The following RYR2 variants were observed in gnomAD, a reference collection of about 807,000 sequenced individuals.
RYR2 encodes the protein cardiac muscle ryanodine receptor-calcium release channel.
Under a neutral mutation model 601.1 loss-of-function variants are expected in RYR2, and 227 were observed. The ratio of observed to expected loss-of-function variants is 0.38; its 90% CI spans 0.34 to 0.42. RYR2 has a LOEUF of 0.42. Among genes scored for constraint, RYR2 ranks in the 10% least tolerant of loss-of-function variants. The pLI, the probability that RYR2 is intolerant of heterozygous loss-of-function variation, is 1.00. For synonymous variants in RYR2, 2,223 were observed against 2,175.1 expected (o/e 1.02, Z -0.61); for missense variants, 4,646 against 6,156.5 (o/e 0.75, Z 8.21).
chr1:237,081,780 A>G (rs547209936), intron 1 of RYR2, among the ~76,000 whole-genome samples: 1 of 152,072 alleles, frequency 6.6e-6, no homozygotes, highest in Non-Finnish European at 1.5e-5. Context: ...TCCAGCCTAA[A>G]GAAACAAAAC....
intron 60 of RYR2, 134 bp from the exon 61 acceptor site, chr1:237,677,914 A>G: frequency 3.2e-6 from 2 of 618,552 alleles, no homozygotes; most frequent in African/African-American, 1.8e-5. Context: ...TTGCCTTTAT[A>G]TTTTTGGTTG....
chr1:237,614,382 G>A lies in RYR2; in HGVS notation c.5254G>A (p.Gly1752Ser), dbSNP rs771662129. ...ENKKHGLPGI[G>S]LSTSLRPRMQ... is the part of the protein sequence containing the mutation. The stretch of plus-strand genomic sequence containing the variant: ...CAAAAAACACGGCCTTCCAGGGATC[G>A]GCCTCAGCACCTCCCTCAGGCCACG... The change falls in exon 37 of 105, where the codon GGC becomes AGC. Residue 1752 changes from glycine (G) to serine (S), a missense_variant. Physicochemically the swap from Gly to Ser is moderately conservative, Grantham distance 56. Transcript: ENST00000366574. This position sits in a 1 kb window ranked among gnomAD's most constrained non-coding sequence, Gnocchi z 4.3. The A allele has an allele frequency of 1.2e-5, 20 of 1,613,820 alleles. No homozygotes were observed. Among genetic ancestry groups the A allele is most frequent in the African/African-American group, 4.0e-5 (3 of 74,890 alleles).
At chr1:237,516,118 T>C (rs565023160) in intron 24 of RYR2, among the ~76,000 whole-genome samples, 71 of 152,074 alleles carry the variant, frequency 4.7e-4, no homozygotes, top group African/African-American at 1.6e-3. Context: ...CTTACTTATT[T>C]ATTTGTTTGT....
chr1:237,602,796 C>A (rs1176630808), intron 35 of RYR2, among the ~76,000 whole-genome samples: 1 of 152,094 alleles, frequency 6.6e-6, no homozygotes, highest in African/African-American at 2.4e-5. Flanking sequence ...CAAGGGAAAT[C>A]CATTGGAAAT....
chr1:237,726,787 C>A (rs991549386), intron 75 of RYR2, among the ~76,000 whole-genome samples: 1 of 151,918 alleles, frequency 6.6e-6, no homozygotes, highest in Admixed American at 6.6e-5. Flanking sequence ...TTTTCTATTT[C>A]TTTGATTTTA....
chr1:237,742,560 C>A (rs2149212302), intron 80 of RYR2, among the ~76,000 whole-genome samples: 1 of 152,238 alleles, frequency 6.6e-6, no homozygotes, highest in South Asian at 2.1e-4. Context: ...TATAATGAAG[C>A]ACATATGTTC....
intron 80 of RYR2, among the ~76,000 whole-genome samples, chr1:237,746,390 C>A (rs1692078949): frequency 6.6e-6 from 1 of 151,806 alleles, no homozygotes; most frequent in Non-Finnish European, 1.5e-5. Flanking sequence ...TAAAATATTC[C>A]ATAAAGTCAT....
At chr1:237,750,724 A>G (rs1692473011) in intron 80 of RYR2, among the ~76,000 whole-genome samples, 1 of 152,156 alleles carries the variant, frequency 6.6e-6, no homozygotes, top group African/African-American at 2.4e-5. Context: ...AATTCAGTTA[A>G]CACCATTTTT....
intron 63 of RYR2, among the ~76,000 whole-genome samples, chr1:237,688,559 T>C (rs910209926): frequency 3.9e-5 from 6 of 152,184 alleles, no homozygotes; most frequent in Non-Finnish European, 8.8e-5. Flanking sequence ...TTAAATTTAG[T>C]AATGAAAATT....
chr1:237,412,292 A>G (rs1206050600), intron 10 of RYR2, among the ~76,000 whole-genome samples: 1 of 152,142 alleles, frequency 6.6e-6, no homozygotes, highest in Non-Finnish European at 1.5e-5. Flanking sequence ...ACTTAGAATA[A>G]CCTTAAAGGG....
At chr1:237,380,422 A>G (rs7414310) in intron 8 of RYR2, among the ~76,000 whole-genome samples, 2 of 48,060 alleles carry the variant, frequency 4.2e-5, no homozygotes, top group African/African-American at 1.6e-4. Context: ...ATATATATAT[A>G]GTAAATACGA....
At chr1:237,270,818 G>A (rs1164902740) in intron 2 of RYR2, among the ~76,000 whole-genome samples, 3 of 152,102 alleles carry the variant, frequency 2.0e-5, no homozygotes, top group Non-Finnish European at 2.9e-5. Context: ...TTATTAGCAA[G>A]AACACAGAAA....
chr1:237,248,311 T>G (rs963226460), intron 1 of RYR2, among the ~76,000 whole-genome samples: 2 of 88,134 alleles, frequency 2.3e-5, no homozygotes, highest in Non-Finnish European at 4.3e-5. Context: ...AAAATGATGA[T>G]GTATCATTTG....
chr1:237,627,016 T>G (rs1679746673), intron 40 of RYR2, among the ~76,000 whole-genome samples: 1 of 152,208 alleles, frequency 6.6e-6, no homozygotes, highest in South Asian at 2.1e-4. Context: ...AATGGTAGTT[T>G]TTGTTTTTGC....
chr1:237,757,692 C>A lies in RYR2; in HGVS notation c.11246-5C>A, dbSNP rs1332681817. On this transcript the variant is annotated splice_polypyrimidine_tract_variant and splice_region_variant and intron_variant, in intron 81 of 104. Coordinates refer to ENST00000366574, the MANE Select transcript of RYR2 (RefSeq NM_001035.3). ...TAAGGAACACTACTTTTTTATATTT[C>A]TTAGGTGAAACTGGACCAATGGTAG... The A allele has an allele frequency of 1.9e-6, 3 of 1,592,468 alleles. No homozygotes were observed. The highest frequency in any genetic ancestry group is 2.6e-6 in the Non-Finnish European group (3 of 1,160,828).
At chr1:237,722,400 T>A (rs1229791267) in intron 73 of RYR2, among the ~76,000 whole-genome samples, 2 of 152,138 alleles carry the variant, frequency 1.3e-5, no homozygotes, top group Non-Finnish European at 2.9e-5. Context: ...AATTTCATGA[T>A]GACCAGGACT....
chr1:237,501,981 A>AGTTTTGTTTTGTTTT (rs755461905), intron 21 of RYR2, among the ~76,000 whole-genome samples: 1 of 152,112 alleles, frequency 6.6e-6, no homozygotes, highest in African/African-American at 2.4e-5. Flanking sequence ...TCTCTGCAAA[A>AGTTTTGTTTTGTTTT]GTTTTGTTTT....
chr1:237,528,130 G>T (rs1209137094), intron 24 of RYR2, among the ~76,000 whole-genome samples: 9 of 152,260 alleles, frequency 5.9e-5, no homozygotes, highest in Non-Finnish European at 1.5e-5. Flanking sequence ...ATATGTCAAA[G>T]AGAAGCCATA....
At chr1:237,562,489 C>G (rs1671556037) in intron 27 of RYR2, among the ~76,000 whole-genome samples, 1 of 152,060 alleles carries the variant, frequency 6.6e-6, no homozygotes, top group South Asian at 2.1e-4. Context: ...TTTTTAGGCC[C>G]TAGTTAGGTG....
Sources: allele counts gnomAD v4.1 joint callset (sites outside exome capture counted in the v4.1 genomes callset), GRCh38; gene constraint gnomAD v4.1.1; non-coding constraint Gnocchi (gnomAD v3.1); transcripts MANE v1.5; gene names NCBI Gene and HGNC (gene_info 2026-07-23, HGNC 2026-07-21).